Variants in ST18 observed in about 807,000 individuals in gnomAD.
The protein encoded by ST18 is suppression of tumorigenicity 18 protein.
Under a neutral mutation model 110.0 loss-of-function variants are expected in ST18, and 50 were observed. The observed-to-expected ratio is 0.45, with a 90% CI of 0.36 to 0.58. The LOEUF (loss-of-function observed/expected upper bound fraction) is 0.58. Among genes scored for constraint, ST18 ranks in the 20% least tolerant of loss-of-function variants. ST18 has a pLI of 0.00. For missense variants in ST18, 1,306 were observed against 1,280.1 expected (o/e 1.02, Z -0.31); for synonymous variants, 461 against 452.4 (o/e 1.02, Z -0.24).
intron 2 of ST18, among the ~76,000 whole-genome samples, chr8:52,260,568 T>G (rs2094657203): frequency 6.6e-6 from 1 of 152,152 alleles, no homozygotes. Context: ...ACTACTTCAT[T>G]CCTCAGCCCT....
intron 2 of ST18, among the ~76,000 whole-genome samples, chr8:52,339,224 C>T (rs1437721655): frequency 6.6e-6 from 1 of 152,076 alleles, no homozygotes. Context: ...GCTCTGAGCC[C>T]CAAGAGGCCA....
rs570957254 is a variant in ST18, at chr8:52,397,720, T to C, written c.-465+11608A>G. ...TGAAGAGACTATCCTTTAACCATTA[T>C]GTCCTCTTTATACCCTTGTCAAAAA... On this transcript the variant is annotated intron_variant, in intron 2 of 25. Coordinates refer to ENST00000689386, the MANE Select transcript of ST18 (RefSeq NM_001352837.2). Among the ~76,000 whole-genome samples the C allele has an allele frequency of 3.2e-4, 49 of 152,322 alleles. 1 individual carries two copies. The highest frequency in any genetic ancestry group is 1.6e-4 in the Non-Finnish European group (11 of 68,010).
chr8:52,179,819 T>A (rs4460394), intron 9 of ST18, among the ~76,000 whole-genome samples: 20,939 of 152,044 alleles, frequency 0.14, 3,181 homozygotes, highest in African/African-American at 0.38. Context: ...GAAAAAGTAC[T>A]CTTCAACTCT....
intron 2 of ST18, among the ~76,000 whole-genome samples, chr8:52,314,440 C>T (rs1397376959): frequency 6.6e-6 from 1 of 152,204 alleles, no homozygotes; most frequent in African/African-American, 2.4e-5. Flanking sequence ...GCCTCTGTTT[C>T]CTGAAGACAT....
At chr8:52,331,667 T>G (rs1202076409) in intron 2 of ST18, among the ~76,000 whole-genome samples, 1 of 152,190 alleles carries the variant, frequency 6.6e-6, no homozygotes, top group Non-Finnish European at 1.5e-5. Flanking sequence ...CACACATTGT[T>G]GTAATTACTG....
chr8:52,147,993 G>A (rs1297351249), intron 16 of ST18, among the ~76,000 whole-genome samples: 2 of 152,086 alleles, frequency 1.3e-5, no homozygotes, highest in East Asian at 1.9e-4. Context: ...CAGGATACTC[G>A]AGGGATGTGA....
intron 11 of ST18, among the ~76,000 whole-genome samples, 164 bp downstream of exon 11, chr8:52,166,688 T>C (rs1246882168): frequency 6.6e-6 from 1 of 152,242 alleles, no homozygotes; most frequent in Non-Finnish European, 1.5e-5. Flanking sequence ...TTGAATTTTC[T>C]ATAAATACAC....
At chr8:52,198,943 C>T (rs889776596) in intron 8 of ST18, among the ~76,000 whole-genome samples, 2 of 152,100 alleles carry the variant, frequency 1.3e-5, no homozygotes, top group African/African-American at 4.8e-5. Context: ...TCCAGCCCCA[C>T]CACGGAGCTG....
At chr8:52,345,400 C>G (rs369523040) in intron 2 of ST18, among the ~76,000 whole-genome samples, 26 of 152,186 alleles carry the variant, frequency 1.7e-4, no homozygotes, top group African/African-American at 5.8e-4. Flanking sequence ...GATGACTTCA[C>G]CATATTTCAA....
chr8:52,271,540 G>A (rs1174360980), intron 2 of ST18, among the ~76,000 whole-genome samples: 2 of 152,202 alleles, frequency 1.3e-5, no homozygotes, highest in African/African-American at 4.8e-5. Context: ...GCAGGAAACA[G>A]ATCGCACAGA....
intron 2 of ST18, among the ~76,000 whole-genome samples, chr8:52,263,613 T>TTG (rs1331743311): frequency 6.3e-4 from 85 of 135,936 alleles, no homozygotes; most frequent in Non-Finnish European, 1.1e-3. Context: ...TTGTTTTGTT[T>TTG]TTTTTTTTTT....
chr8:52,246,094 T>C (rs903890827), intron 2 of ST18, among the ~76,000 whole-genome samples: 1 of 152,132 alleles, frequency 6.6e-6, no homozygotes, highest in Non-Finnish European at 1.5e-5. Flanking sequence ...TATATTCAAA[T>C]ACTCGTAAAG....
In ST18 at chr8:52,170,354, G is replaced by C. The variant is rs971074048; in HGVS notation, c.1069+1438C>G. Among the ~76,000 whole-genome samples, 29 of 152,040 alleles carry C rather than the reference G, an allele frequency of 1.9e-4. 1 individual carries two copies. The highest frequency in any genetic ancestry group is 1.9e-3 in the Admixed American group (29 of 15,256). On this transcript the variant is annotated intron_variant, in intron 10 of 25. Coordinates refer to ENST00000689386, the MANE Select transcript of ST18 (RefSeq NM_001352837.2). ...ACCTGTAATCCTAGCTACTCGGGAG[G>C]CTGAGGCAGGAGAATGGAACCTGGG...
intron 2 of ST18, among the ~76,000 whole-genome samples, chr8:52,319,323 T>C (rs1802855903): frequency 6.6e-6 from 1 of 152,166 alleles, no homozygotes; most frequent in Non-Finnish European, 1.5e-5. Context: ...GCCATTCAAA[T>C]CCTCTAAATC....
chr8:52,313,780 C>G (rs1227443768), intron 2 of ST18, among the ~76,000 whole-genome samples: 2 of 152,118 alleles, frequency 1.3e-5, no homozygotes. Flanking sequence ...TAGAAGGGAT[C>G]GTTGCTGCCC....
chr8:52,294,385 T>C (rs1031135898), intron 2 of ST18: 1 of 152,234 alleles, frequency 6.6e-6, no homozygotes. Context: ...TGAATGTAAA[T>C]AGGGCCATCA....
intron 2 of ST18, among the ~76,000 whole-genome samples, chr8:52,349,746 C>T (rs548965739): frequency 2.0e-5 from 3 of 152,154 alleles, no homozygotes; most frequent in African/African-American, 7.2e-5. Flanking sequence ...TGGTGGGAAA[C>T]AGATGGCACG....
intron 15 of ST18, among the ~76,000 whole-genome samples, chr8:52,156,984 G>C (rs1032979880): frequency 2.0e-4 from 31 of 152,104 alleles, no homozygotes; most frequent in Admixed American, 1.2e-3. Context: ...TTAAGACTTG[G>C]TTGGCACTGA....
At chr8:52,185,272 T>C (rs1334476815) in intron 8 of ST18, among the ~76,000 whole-genome samples, 3 of 152,150 alleles carry the variant, frequency 2.0e-5, no homozygotes, top group African/African-American at 4.8e-5. Context: ...AGAAAGCTAG[T>C]GAAGGCCTAA....
Sources: allele counts gnomAD v4.1 joint callset (sites outside exome capture counted in the v4.1 genomes callset), GRCh38; gene constraint gnomAD v4.1.1; transcripts MANE v1.5; gene names NCBI Gene and HGNC (gene_info 2026-07-23, HGNC 2026-07-21).